The following CLIP3 variants were observed in gnomAD, a reference collection of about 807,000 sequenced individuals.
CLIP3 encodes CAP-Gly domain-containing linker protein 3.
In CLIP3, 15 loss-of-function variants were observed where a neutral mutation model predicts 59.4. The ratio of observed to expected loss-of-function variants is 0.25; its 90% CI spans 0.17 to 0.39. The LOEUF is 0.39. CLIP3 is among the 10% of genes least tolerant of loss of function. CLIP3 has a pLI of 1.00. For synonymous variants in CLIP3, 300 were observed against 321.6 expected, an observed-to-expected ratio of 0.93 and a Z score of 0.72; for missense variants, 495 against 765.7, an observed-to-expected ratio of 0.65 and a Z score of 4.17.
chr19:36,017,275 G>A, intron 12 of CLIP3, 111 bp downstream of exon 12: 3 of 1,090,590 alleles, frequency 2.8e-6, no homozygotes. Flanking sequence ...CCTGGACCCT[G>A]TGTCCCCAAT....
intron 7 of CLIP3, among the ~76,000 whole-genome samples, chr19:36,020,908 C>A (rs1968935344): frequency 6.6e-6 from 1 of 151,746 alleles, no homozygotes; most frequent in Non-Finnish European, 1.5e-5. Context: ...GGCTGGAGTG[C>A]AGTGGTGCAA....
At chr19:36,031,993 C>T (rs1300135623) in intron 2 of CLIP3, among the ~76,000 whole-genome samples, 199 bp downstream of exon 2, 1 of 152,170 alleles carries the variant, frequency 6.6e-6, no homozygotes, top group Non-Finnish European at 1.5e-5. Flanking sequence ...TGTCATGAGT[C>T]AAAGACTAGG....
Position 36,018,975 on chromosome 19 carries a change from G to A in CLIP3, c.1106C>T (p.Ser369Phe), listed in dbSNP as rs987052008. Residue 369 changes from serine (S) to phenylalanine (F), a missense_variant, in exon 9 of 14, where the codon TCC becomes TTC. Ser to Phe is a radical substitution (Grantham distance 155). This residue lies in a region of CLIP3 where 179 missense variants were observed against 226.2 expected (regional missense o/e 0.79). Transcript: ENST00000360535. ...GGTCCGGGGTGTGGAGGTGACAGAG[G>A]AGGGGGGTGCGTCCACTGCCTTGGA... Reference protein sequence around the residue: ...KISKAVDAPPSSVTSTPRTPR... With the variant: ...KISKAVDAPPFSVTSTPRTPR... 8 of 1,606,920 alleles carry A rather than the reference G, an allele frequency of 5.0e-6. No homozygotes were observed. The highest frequency in any genetic ancestry group is 6.8e-6 in the Non-Finnish European group (8 of 1,176,620).
At chr19:36,018,032 G>A in intron 9 of CLIP3, 41 bp from the exon 10 acceptor site, 1 of 1,608,938 alleles carries the variant, frequency 6.2e-7, no homozygotes, top group East Asian at 2.2e-5. Context: ...TGGGGCTGAG[G>A]CCAGCTTTGG....
chr19:36,025,590 CAAAAA>C (rs67275508), intron 6 of CLIP3, among the ~76,000 whole-genome samples: 2 of 110,778 alleles, frequency 1.8e-5, no homozygotes, highest in South Asian at 3.1e-4. Context: ...GTCTCTGTCT[CAAAAA>C]AAAAAAAAAA....
chr19:36,014,802 A>G lies in CLIP3; in HGVS notation c.*1356T>C. The G allele has an allele frequency of 6.4e-6, 1 of 157,456 alleles. No individual in the cohort carries two copies. The allele number at this position is 157,456 out of a possible 1,614,324, so 9.8% of individuals were successfully genotyped here. ...CCCTGGGCCTTCAGGTTCTCCCTCG[A>G]GCTGTTGGTCTGGCCCAGGTGCTGT... On this transcript the variant is annotated 3_prime_UTR_variant, in exon 14 of 14. Coordinates refer to ENST00000360535, the MANE Select transcript of CLIP3 (RefSeq NM_015526.3).
In CLIP3 at chr19:36,016,888, A is replaced by G; in HGVS notation, c.1589+19T>C. ...CCCTGAATGTCACATAGGAGAGGGGACAGGGGTTGGCCACACACCTGGAAA... is the reference window on the plus strand; with the variant it reads ...CCCTGAATGTCACATAGGAGAGGGGGCAGGGGTTGGCCACACACCTGGAAA... On this transcript the variant is annotated intron_variant, in intron 13 of 13. Coordinates refer to ENST00000360535, the MANE Select transcript of CLIP3 (RefSeq NM_015526.3). This position sits in a 1 kb window ranked among gnomAD's most constrained non-coding sequence, Gnocchi z 4.1. 6.2e-7 allele frequency: 1 copy of G among 1,611,968 alleles called. No individual in the cohort carries two copies. Among genetic ancestry groups the G allele is most frequent in the Non-Finnish European group, 8.5e-7 (1 of 1,178,750 alleles).
At chr19:36,025,520 G>A (rs1216173869) in intron 6 of CLIP3, among the ~76,000 whole-genome samples, 1 of 151,350 alleles carries the variant, frequency 6.6e-6, no homozygotes, top group Non-Finnish European at 1.5e-5. Flanking sequence ...GAACCTGGTA[G>A]GCAGAGGTTG....
At chr19:36,017,553 G>A (rs2145387977) in intron 11 of CLIP3, 102 bp downstream of exon 11, 1 of 1,596,798 alleles carries the variant, frequency 6.3e-7, no homozygotes, top group South Asian at 1.1e-5. Context: ...GGGGGCTCGG[G>A]GGTGTCCACA....
chr19:36,018,065 C>T (rs1968849791), intron 9 of CLIP3, 74 bp from the exon 10 acceptor site: 1 of 1,546,164 alleles, frequency 6.5e-7, no homozygotes. Context: ...ACCTGGAAAA[C>T]CCCAAGGTAG....
intron 2 of CLIP3, among the ~76,000 whole-genome samples, chr19:36,031,817 A>G (rs1316968976): frequency 6.6e-6 from 1 of 152,242 alleles, no homozygotes; most frequent in Non-Finnish European, 1.5e-5. Context: ...AAATTACATT[A>G]TGGTTTAATA....
chr19:36,016,997 A>ACGTC lies in CLIP3; in HGVS notation c.1517-19_1517-18insGACG. The ACGTC allele has an allele frequency of 6.2e-7, 1 of 1,613,400 alleles. No homozygotes were observed. The highest frequency in any genetic ancestry group is 8.5e-7 in the Non-Finnish European group (1 of 1,179,648). On this transcript the variant is annotated intron_variant, in intron 12 of 13. Coordinates refer to ENST00000360535, the MANE Select transcript of CLIP3 (RefSeq NM_015526.3). This position sits in a 1 kb window ranked among gnomAD's most constrained non-coding sequence, Gnocchi z 4.1. ...CTGCGTCACTGAAGAGGAGGGCAGG[A>ACGTC]TGTCAAGTGAGGGGATGACAGACCA...
intron 9 of CLIP3, among the ~76,000 whole-genome samples, 169 bp from the exon 10 acceptor site, chr19:36,018,160 G>A (rs553509226): frequency 1.3e-5 from 2 of 152,324 alleles, no homozygotes; most frequent in South Asian, 2.1e-4. Flanking sequence ...GGGAAACTGA[G>A]TCAGAGAACC....
chr19:36,016,939 T>C lies in CLIP3; in HGVS notation c.1557A>G (p.Pro519=), dbSNP rs1968813370. 3 of 1,613,916 alleles carry C rather than the reference T, an allele frequency of 1.9e-6. No homozygotes were observed. Among genetic ancestry groups the C allele is most frequent in the Admixed American group, 3.3e-5 (2 of 59,974 alleles). Residue 519 remains proline (P), a synonymous_variant, in exon 13 of 14, where the codon CCA becomes CCG. Coordinates refer to ENST00000360535, the MANE Select transcript of CLIP3 (RefSeq NM_015526.3). This position sits in a 1 kb window ranked among gnomAD's most constrained non-coding sequence, Gnocchi z 4.1. ...PKRTFTTVRT[P]KDIASENSIS... ...TGGAGTTCTCTGATGCAATGTCCTT[T>C]GGGGTCCGGACTGTGGTGAAGGTGC...
chr19:36,022,427 C>T (rs893728517), intron 7 of CLIP3, among the ~76,000 whole-genome samples: 71 of 152,180 alleles, frequency 4.7e-4, no homozygotes, highest in Admixed American at 4.5e-3. Context: ...TGAGATTTAC[C>T]TGGGCAAGTC....
intron 2 of CLIP3, among the ~76,000 whole-genome samples, chr19:36,030,908 C>T (rs1969235935): frequency 6.6e-6 from 1 of 152,144 alleles, no homozygotes; most frequent in Non-Finnish European, 1.5e-5. Context: ...ATGTTACCTA[C>T]TCAGAAAGAG....
Position 36,018,930 on chromosome 19 carries a change from C to T in CLIP3, c.1151G>A (p.Arg384His), listed in dbSNP as rs146719789. The change falls in exon 9 of 14, where the codon CGT becomes CAT. Residue 384 changes from arginine to histidine, a missense_variant. This residue lies in a region of CLIP3 where 179 missense variants were observed against 226.2 expected (regional missense o/e 0.79). Transcript: ENST00000360535. Reference protein sequence around the residue: ...TPRTPRMDFSRVTGKGRREHK... With the variant: ...TPRTPRMDFSHVTGKGRREHK... ...TTCCCTGCGGCCTTTGCCGGTGACA[C>T]GGGAGAAGTCCATCCGGGGGGTCCG... 6.0e-5 allele frequency: 96 copies of T among 1,613,442 alleles called. No homozygotes were observed. The highest frequency in any genetic ancestry group is 7.5e-5 in the Non-Finnish European group (89 of 1,179,692).
In CLIP3 at chr19:36,026,504, C is replaced by A; in HGVS notation, c.562+82G>T. ...TCTCCTCAGATCACCGTCCTCCTTC[C>A]CCTCGCAGCCTGGCCTCACCTGGGT... On this transcript the variant is annotated intron_variant, in intron 5 of 13. Coordinates refer to ENST00000360535, the MANE Select transcript of CLIP3 (RefSeq NM_015526.3). This position sits in a 1 kb window ranked among gnomAD's most constrained non-coding sequence, Gnocchi z 6.3. 6.4e-7 allele frequency: 1 copy of A among 1,567,746 alleles called. No individual in the cohort carries two copies.
chr19:36,027,348 C>CT, intron 2 of CLIP3, 77 bp from the exon 3 acceptor site: 1 of 1,488,456 alleles, frequency 6.7e-7, no homozygotes, highest in South Asian at 1.4e-5. Flanking sequence ...AGCTGTAGGT[C>CT]TTTGCCTTTT....
Sources: allele counts gnomAD v4.1 joint callset (sites outside exome capture counted in the v4.1 genomes callset), GRCh38; gene constraint gnomAD v4.1.1; regional missense constraint gnomAD v4.1.1; non-coding constraint Gnocchi (gnomAD v3.1); transcripts MANE v1.5; gene names NCBI Gene and HGNC (gene_info 2026-07-23, HGNC 2026-07-21).